ASB18: variants seen among roughly 807,000 people sequenced by gnomAD.
The protein encoded by ASB18 is ankyrin repeat and SOCS box containing 18, also known as ankyrin repeat and SOCS box protein 18.
ASB18 carries 33 observed loss-of-function variants against 33.4 expected under a neutral mutation model. That is an observed-to-expected ratio of 0.99 (90% CI 0.75 to 1.32). ASB18 has a LOEUF of 1.32. Ranked by LOEUF, ASB18 falls within the 40% of genes most tolerant of loss-of-function variation. ASB18 has a pLI of 0.00. For synonymous variants in ASB18, 295 were observed against 307.6 expected (o/e 0.96, Z 0.43); for missense variants, 694 against 655.5 (o/e 1.06, Z -0.64).
intron 4 of ASB18, among the ~76,000 whole-genome samples, chr2:236,212,400 C>T (rs2106267890): frequency 6.6e-6 from 1 of 152,230 alleles, no homozygotes; most frequent in South Asian, 2.1e-4. Context: ...AGAAATGATG[C>T]CTGTGGGGCT....
rs1386868348 is a variant in ASB18, at chr2:236,194,386, C to T, written c.*486G>A. On this transcript the variant is annotated 3_prime_UTR_variant, in exon 6 of 6. Coordinates refer to ENST00000409749, the MANE Select transcript of ASB18 (RefSeq NM_212556.4). This position sits in a 1 kb window ranked among gnomAD's most constrained non-coding sequence, Gnocchi z 4.5. ...AGGTATGTGTAGCTTGCCTTTATTTCAATCTTTACTATTAGAATTGTATTG... is the reference window on the plus strand; with the variant it reads ...AGGTATGTGTAGCTTGCCTTTATTTTAATCTTTACTATTAGAATTGTATTG... Among the ~76,000 whole-genome samples, 1 of 152,126 alleles carries T rather than the reference C, an allele frequency of 6.6e-6. No individual in the cohort carries two copies. Among genetic ancestry groups the T allele is most frequent in the Non-Finnish European group, 1.5e-5 (1 of 68,022 alleles).
At chr2:236,218,537 G>A (rs758815044) in intron 3 of ASB18, among the ~76,000 whole-genome samples, 1 of 152,126 alleles carries the variant, frequency 6.6e-6, no homozygotes, top group Admixed American at 6.5e-5. Flanking sequence ...GGTGGTTCAC[G>A]CCTGTAATTC....
Position 236,263,174 on chromosome 2 carries a change from C to T in ASB18, c.205+967G>A, listed in dbSNP as rs1251090823. On this transcript the variant is annotated intron_variant, in intron 1 of 5. Transcript: ENST00000409749. The surrounding 1 kb of genome is among the most constrained non-coding windows in gnomAD (Gnocchi z 4.0). ...GCACAATACAACTAAAAGTAAATCACAGGTCAGGAAAACACTTTCAGGAAA... is the reference window on the plus strand; with the variant it reads ...GCACAATACAACTAAAAGTAAATCATAGGTCAGGAAAACACTTTCAGGAAA... Among the ~76,000 whole-genome samples the T allele has an allele frequency of 6.6e-6, 1 of 152,236 alleles. No homozygotes were observed.
chr2:236,257,232 T>C lies in ASB18; in HGVS notation c.205+6909A>G, dbSNP rs1490591350. ...TTGTGAATCAAAGTAATAAGAGCAA[T>C]GCTCAGGCTGGTGGTGGGATAGTGT... On this transcript the variant is annotated intron_variant, in intron 1 of 5. Coordinates refer to ENST00000409749, the MANE Select transcript of ASB18 (RefSeq NM_212556.4). This position sits in a 1 kb window ranked among gnomAD's most constrained non-coding sequence, Gnocchi z 5.5. Among the ~76,000 whole-genome samples, 1 of 152,198 alleles carries C rather than the reference T, an allele frequency of 6.6e-6. No homozygotes were observed. Among genetic ancestry groups the C allele is most frequent in the Admixed American group, 6.5e-5 (1 of 15,278 alleles).
At position 236,219,549 on chromosome 2, in the gene ASB18, C is replaced by T. The variant is rs1234831764; in HGVS notation, c.597-4683G>A. Among the ~76,000 whole-genome samples, 2 of 152,200 alleles carry T rather than the reference C, an allele frequency of 1.3e-5. No individual in the cohort carries two copies. The highest frequency in any genetic ancestry group is 2.9e-5 in the Non-Finnish European group (2 of 68,028). On this transcript the variant is annotated intron_variant, in intron 3 of 5. Transcript: ENST00000409749. This position sits in a 1 kb window ranked among gnomAD's most constrained non-coding sequence, Gnocchi z 6.4. ...AGTGATAACAATCGTGGGGACCTCT[C>T]AGACCTGACCCCAGGACCCAGGCCC... is the stretch of plus-strand genomic sequence containing the variant.
At position 236,207,430 on chromosome 2, in the gene ASB18, T is replaced by C. The variant is rs555911746; in HGVS notation, c.1101+6932A>G. ...CTTGTACTCCATAGAGGATGGCACA[T>C]ACTTTCTGAGATTTTCTTGGATCTC... On this transcript the variant is annotated intron_variant, in intron 4 of 5. Transcript: ENST00000409749. Among the ~76,000 whole-genome samples the C allele has an allele frequency of 3.9e-5, 6 of 152,392 alleles. No individual in the cohort carries two copies. In the South Asian group the frequency reaches 1.2e-3, roughly 32 times the overall value.
rs1463661698 is a variant in ASB18 at position 236,194,814 on chromosome 2, C to T, written c.*58G>A. On this transcript the variant is annotated 3_prime_UTR_variant, in exon 6 of 6. Coordinates refer to ENST00000409749, the MANE Select transcript of ASB18 (RefSeq NM_212556.4). This position sits in a 1 kb window ranked among gnomAD's most constrained non-coding sequence, Gnocchi z 4.5. ...CTGCATCAGGGCACTCTCCAACACACGGCCTCCATGGAAGGTCAGCGAGGA... is the reference window on the plus strand; with the variant it reads ...CTGCATCAGGGCACTCTCCAACACATGGCCTCCATGGAAGGTCAGCGAGGA... The T allele has an allele frequency of 1.4e-5, 21 of 1,457,908 alleles. No individual in the cohort carries two copies. The highest frequency in any genetic ancestry group is 1.7e-5 in the Non-Finnish European group (18 of 1,066,990). The allele number at this position is 1,457,908 out of a possible 1,614,324, so 90.3% of individuals were successfully genotyped here. A position where few individuals can be genotyped will look rare whatever the true frequency, so the allele number is the denominator to read the frequency against.
rs1378998216 is a variant in ASB18 at position 236,244,362 on chromosome 2, G to A, written c.206-2960C>T. On this transcript the variant is annotated intron_variant, in intron 1 of 5. Coordinates refer to ENST00000409749, the MANE Select transcript of ASB18 (RefSeq NM_212556.4). This position sits in a 1 kb window ranked among gnomAD's most constrained non-coding sequence, Gnocchi z 6.1. Reference sequence around the variant, plus strand: ...AAGCAGACCCTCGCCCAGGGAGGCGGGCATAGCATAAGCCCCCATTTGCTC... The same window carrying A: ...AAGCAGACCCTCGCCCAGGGAGGCGAGCATAGCATAAGCCCCCATTTGCTC... Among the ~76,000 whole-genome samples the A allele has an allele frequency of 6.6e-6, 1 of 152,200 alleles. No individual in the cohort carries two copies. The highest frequency in any genetic ancestry group is 1.5e-5 in the Non-Finnish European group (1 of 68,044).
chr2:236,199,411 CAAAAAA>C lies in ASB18; in HGVS notation c.1102-3032_1102-3027del, dbSNP rs368012989. 2.7e-3 allele frequency among the ~76,000 whole-genome samples: 300 copies of C among 113,162 alleles called. 1 individual carries two copies. The highest frequency in any genetic ancestry group is 7.5e-3 in the African/African-American group (282 of 37,434). 74.2% of individuals were successfully genotyped at this position (113,162 alleles called of 152,430 possible). On this transcript the variant is annotated intron_variant, in intron 4 of 5. Transcript: ENST00000409749. Reference sequence around the variant, plus strand: ...TGGGTGACAGGGTGAGACTCTGTTTCAAAAAAAAAAAAAAAAAGAAAAAGATTTTCC... The same window carrying C: ...TGGGTGACAGGGTGAGACTCTGTTTCAAAAAAAAAAAGAAAAAGATTTTCC...
chr2:236,207,226 C>T (rs79934472), intron 4 of ASB18, among the ~76,000 whole-genome samples: 3 of 152,308 alleles, frequency 2.0e-5, no homozygotes, highest in South Asian at 2.1e-4. Flanking sequence ...TGGCCCAGCA[C>T]GGATTTGATT....
intron 1 of ASB18, among the ~76,000 whole-genome samples, chr2:236,246,661 C>T (rs1031010442): frequency 2.0e-5 from 3 of 152,174 alleles, no homozygotes; most frequent in Non-Finnish European, 4.4e-5. Flanking sequence ...CCAATAGTAA[C>T]ACAGTGGAGA....
chr2:236,235,078 A>C lies in ASB18; in HGVS notation c.596+2611T>G, dbSNP rs1313759858. Among the ~76,000 whole-genome samples, 1 of 152,248 alleles carries C rather than the reference A, an allele frequency of 6.6e-6. No individual in the cohort carries two copies. The highest frequency in any genetic ancestry group is 6.5e-5 in the Admixed American group (1 of 15,294). On this transcript the variant is annotated intron_variant, in intron 3 of 5. Transcript: ENST00000409749. This position sits in a 1 kb window ranked among gnomAD's most constrained non-coding sequence, Gnocchi z 6.2. ...AGATTCATATCTAGAATATCCCAAG[A>C]AACCTCAAACTTAAATAAGAAAACC...
At chr2:236,233,030 C>T (rs753656641) in intron 3 of ASB18, among the ~76,000 whole-genome samples, 4 of 151,816 alleles carry the variant, frequency 2.6e-5, no homozygotes, top group Non-Finnish European at 4.4e-5. Flanking sequence ...AACATAGATG[C>T]GGATACTAAA....
Position 236,213,751 on chromosome 2 carries a change from T to G in ASB18, c.1101+611A>C, listed in dbSNP as rs2106268400. 1 of 152,970 alleles carries G rather than the reference T, an allele frequency of 6.5e-6. No individual in the cohort carries two copies. Among genetic ancestry groups the G allele is most frequent in the South Asian group, 2.1e-4 (1 of 4,864 alleles). 9.5% of individuals were successfully genotyped at this position (152,970 alleles called of 1,614,324 possible). On this transcript the variant is annotated intron_variant, in intron 4 of 5. Transcript: ENST00000409749. The surrounding 1 kb of genome is among the most constrained non-coding windows in gnomAD (Gnocchi z 4.8). ...CAGAATGGGGGTGAGGTCCCAACAC[T>G]GCAATGACCTGGGCAGGGCACTTCA... is the stretch of plus-strand genomic sequence containing the variant.
Position 236,221,384 on chromosome 2 carries a change from A to G in ASB18, c.597-6518T>C, listed in dbSNP as rs1422803920. Among the ~76,000 whole-genome samples the G allele has an allele frequency of 6.6e-6, 1 of 152,124 alleles. No homozygotes were observed. Among genetic ancestry groups the G allele is most frequent in the Non-Finnish European group, 1.5e-5 (1 of 68,016 alleles). On this transcript the variant is annotated intron_variant, in intron 3 of 5. Transcript: ENST00000409749. The surrounding 1 kb of genome is among the most constrained non-coding windows in gnomAD (Gnocchi z 5.6). ...TATGGTTTGGTTGTGTCCCCACCCAAATCTCACCTTGAGTTTTACTCCCAT... is the reference window on the plus strand; with the variant it reads ...TATGGTTTGGTTGTGTCCCCACCCAGATCTCACCTTGAGTTTTACTCCCAT...
chr2:236,240,307 G>A (rs1414940806), intron 2 of ASB18, among the ~76,000 whole-genome samples: 2 of 152,142 alleles, frequency 1.3e-5, no homozygotes, highest in Admixed American at 6.5e-5. Flanking sequence ...GGAGCTGCTC[G>A]GCCCTCTGAC....
rs1189554886 is a variant in ASB18 at position 236,245,742 on chromosome 2, G to A, written c.206-4340C>T. On this transcript the variant is annotated intron_variant, in intron 1 of 5. Coordinates refer to ENST00000409749, the MANE Select transcript of ASB18 (RefSeq NM_212556.4). The surrounding 1 kb of genome is among the most constrained non-coding windows in gnomAD (Gnocchi z 4.7). ...CATGAGCTTTTTTGGAGGACGGTGG[G>A]GGCTGCTGCTTCCTCTCTGGGAAGT... 6.6e-6 allele frequency among the ~76,000 whole-genome samples: 1 copy of A among 152,102 alleles called. No homozygotes were observed. Among genetic ancestry groups the A allele is most frequent in the South Asian group, 2.1e-4 (1 of 4,812 alleles).
chr2:236,207,212 C>A (rs1003045559), intron 4 of ASB18, among the ~76,000 whole-genome samples: 1 of 152,184 alleles, frequency 6.6e-6, no homozygotes, highest in Non-Finnish European at 1.5e-5. Flanking sequence ...GGCACACGGG[C>A]CAATGGCCCA....
rs2060579836 is a variant in ASB18, at chr2:236,234,444, T to A, written c.596+3245A>T. Among the ~76,000 whole-genome samples the A allele has an allele frequency of 6.6e-6, 1 of 152,218 alleles. No homozygotes were observed. The highest frequency in any genetic ancestry group is 2.1e-4 in the South Asian group (1 of 4,832). On this transcript the variant is annotated intron_variant, in intron 3 of 5. Transcript: ENST00000409749. This position sits in a 1 kb window ranked among gnomAD's most constrained non-coding sequence, Gnocchi z 4.1. ...TCATCCAGCCCCTTTTGTCTAGGTG[T>A]TATCCTTTTTGGTGTGTGGCATAAA...
Sources: allele counts gnomAD v4.1 joint callset (sites outside exome capture counted in the v4.1 genomes callset), GRCh38; gene constraint gnomAD v4.1.1; non-coding constraint Gnocchi (gnomAD v3.1); transcripts MANE v1.5; gene names NCBI Gene and HGNC (gene_info 2026-07-23, HGNC 2026-07-21).